Variants in NAALADL2 observed in about 807,000 individuals in gnomAD.
NAALADL2 encodes the protein inactive N-acetylated-alpha-linked acidic dipeptidase-like protein 2.
In NAALADL2, 76 loss-of-function variants were observed where a neutral mutation model predicts 87.2. That is an observed-to-expected ratio of 0.87 (90% CI 0.72 to 1.05). NAALADL2 has a LOEUF of 1.05. Ranked by LOEUF, NAALADL2 falls within the 50% of genes least tolerant of loss-of-function variation. The probability of loss-of-function intolerance (pLI) is 0.00; values close to 1 mark genes in which losing one functional copy is unlikely to be tolerated. For missense variants in NAALADL2, 1,089 were observed against 945.8 expected (o/e 1.15, Z -1.99); for synonymous variants, 354 against 331.0 (o/e 1.07, Z -0.75).
chr3:175,564,621 C>T (rs770882057), intron 9 of NAALADL2, among the ~76,000 whole-genome samples: 12 of 152,178 alleles, frequency 7.9e-5, no homozygotes, highest in Non-Finnish European at 1.5e-4. Context: ...CAGCCAGTTC[C>T]TCAGCATGGA....
At chr3:175,498,395 C>T (rs1398385177) in intron 9 of NAALADL2, among the ~76,000 whole-genome samples, 1 of 152,038 alleles carries the variant, frequency 6.6e-6, no homozygotes, top group Non-Finnish European at 1.5e-5. Flanking sequence ...CCTTAATCCC[C>T]AGTCCAAGAA....
intron 1 of NAALADL2, chr3:175,059,967 G>T (rs563710516): frequency 4.8e-5 from 21 of 436,914 alleles, no homozygotes; most frequent in South Asian, 3.9e-4. Flanking sequence ...TGTAGCTCTT[G>T]TCTGCCAGGT....
chr3:174,669,281 ATTTG>A (rs1248452247), intron 2 of NAALADL2, among the ~76,000 whole-genome samples: 7 of 151,936 alleles, frequency 4.6e-5, no homozygotes, highest in Non-Finnish European at 7.4e-5. Flanking sequence ...TTTCTTGTAA[ATTTG>A]TTTGAGTTCA....
intron 1 of NAALADL2, among the ~76,000 whole-genome samples, chr3:174,913,134 A>C (rs1188464312): frequency 6.6e-6 from 1 of 152,164 alleles, no homozygotes; most frequent in African/African-American, 2.4e-5. Flanking sequence ...AAAATATAGT[A>C]TTATGACTTA....
intron 3 of NAALADL2, among the ~76,000 whole-genome samples, chr3:174,782,691 T>A (rs912575216): frequency 1.3e-5 from 2 of 152,044 alleles, no homozygotes; most frequent in Non-Finnish European, 2.9e-5. Flanking sequence ...TCAGGAAACT[T>A]AGAATCATGG....
chr3:175,643,248 C>A (rs1049515446), intron 11 of NAALADL2, among the ~76,000 whole-genome samples: 7 of 151,990 alleles, frequency 4.6e-5, no homozygotes, highest in Non-Finnish European at 2.9e-5. Context: ...CATAAATATA[C>A]CAAAATTTGT....
intron 11 of NAALADL2, among the ~76,000 whole-genome samples, chr3:175,648,845 A>G (rs1186450361): frequency 6.6e-6 from 1 of 152,218 alleles, no homozygotes; most frequent in East Asian, 1.9e-4. Flanking sequence ...TTTTTCTATA[A>G]GAAGAAACAA....
At chr3:174,749,507 A>C (rs935048332) in intron 3 of NAALADL2, among the ~76,000 whole-genome samples, 2 of 150,442 alleles carry the variant, frequency 1.3e-5, no homozygotes, top group Non-Finnish European at 1.5e-5. Context: ...TAGTTAGGAA[A>C]AAAAAAAAAC....
At chr3:174,733,664 A>G (rs1475211267) in intron 2 of NAALADL2, among the ~76,000 whole-genome samples, 2 of 152,202 alleles carry the variant, frequency 1.3e-5, no homozygotes, top group Admixed American at 6.5e-5. Context: ...GCTGCTTGCC[A>G]CGCAGAAAGT....
At chr3:175,049,808 G>A (rs11925448) in intron 1 of NAALADL2, among the ~76,000 whole-genome samples, 8,689 of 152,246 alleles carry the variant, frequency 0.057, 311 homozygotes, top group Middle Eastern at 0.12. Context: ...TGTAATAGAG[G>A]AAGACAAGAG....
chr3:174,736,355 A>T (rs747493063), intron 2 of NAALADL2, among the ~76,000 whole-genome samples: 8 of 152,066 alleles, frequency 5.3e-5, no homozygotes, highest in Non-Finnish European at 8.8e-5. Context: ...AGACAAATGG[A>T]GGGTGAGCAA....
At chr3:175,529,126 C>T (rs4549279) in intron 9 of NAALADL2, among the ~76,000 whole-genome samples, 138,365 of 152,188 alleles carry the variant, frequency 0.91, 63,097 homozygotes, top group East Asian at 0.97. Flanking sequence ...TACTAAGAGA[C>T]GCCCTAATGG....
chr3:174,478,888 T>C (rs1717376671), intron 1 of NAALADL2, among the ~76,000 whole-genome samples: 1 of 152,140 alleles, frequency 6.6e-6, no homozygotes, highest in Admixed American at 6.5e-5. Flanking sequence ...ATTTGTGTTT[T>C]AGTAGAGACA....
rs556384683 is a variant in NAALADL2 at position 174,642,228 on chromosome 3, C to T, written c.-115+91591C>T. 4.6e-5 allele frequency among the ~76,000 whole-genome samples: 7 copies of T among 152,036 alleles called. No individual in the cohort carries two copies. The South Asian group carries it at 1.5e-3, about 32-fold the overall frequency. ...AAAAATGCATGTTGTTTTCCGGGCA[C>T]AGTGGCTCACACCTGTAATCCCAGC... On this transcript the variant is annotated intron_variant, in intron 2 of 3. Coordinates refer to the NAALADL2 transcript ENST00000434257.
chr3:175,619,359 A>G (rs1725873818), intron 10 of NAALADL2, among the ~76,000 whole-genome samples: 1 of 151,820 alleles, frequency 6.6e-6, no homozygotes, highest in Non-Finnish European at 1.5e-5. Context: ...AATCCCAGGA[A>G]TTGGGGACCT....
At chr3:175,735,336 G>C (rs1051276514) in intron 11 of NAALADL2, among the ~76,000 whole-genome samples, 2 of 152,138 alleles carry the variant, frequency 1.3e-5, no homozygotes, top group Non-Finnish European at 2.9e-5. Flanking sequence ...ACATTTCCCT[G>C]TCTTTTTCTG....
chr3:175,258,968 C>T (rs1024988626), intron 4 of NAALADL2, among the ~76,000 whole-genome samples: 5 of 152,168 alleles, frequency 3.3e-5, no homozygotes, highest in South Asian at 2.1e-4. Flanking sequence ...TCTGCCTTCA[C>T]GCCTGTACTG....
At chr3:175,110,855 A>G (rs1023689227) in intron 2 of NAALADL2, among the ~76,000 whole-genome samples, 1 of 151,750 alleles carries the variant, frequency 6.6e-6, no homozygotes, top group Admixed American at 6.6e-5. Context: ...CTGGGTAACA[A>G]TTTGGGGTCA....
At chr3:174,973,447 A>G (rs1010127710) in intron 1 of NAALADL2, among the ~76,000 whole-genome samples, 37 of 152,134 alleles carry the variant, frequency 2.4e-4, no homozygotes, top group African/African-American at 2.4e-5. Flanking sequence ...TTTTATTTTT[A>G]TGTGGTTATT....
Sources: allele counts gnomAD v4.1 joint callset (sites outside exome capture counted in the v4.1 genomes callset), GRCh38; gene constraint gnomAD v4.1.1; transcripts MANE v1.5; gene names NCBI Gene and HGNC (gene_info 2026-07-23, HGNC 2026-07-21).